The following CCSER1 variants were observed in gnomAD, a reference collection of about 807,000 sequenced individuals.
CCSER1 encodes the protein serine-rich coiled-coil domain-containing protein 1.
CCSER1 carries 41 observed loss-of-function variants against 82.0 expected under a neutral mutation model. The observed-to-expected ratio is 0.50, with a 90% CI of 0.39 to 0.65. The LOEUF (loss-of-function observed/expected upper bound fraction) is 0.65, where lower values mean the gene tolerates loss of function less well. Ranked by LOEUF, CCSER1 falls within the 30% of genes least tolerant of loss-of-function variation. The pLI is 0.00. For synonymous variants in CCSER1, 414 were observed against 383.9 expected (o/e 1.08, Z -0.92); for missense variants, 1,119 against 1,064.2 (o/e 1.05, Z -0.72).
At chr4:91,513,271 AT>A (rs1375402102) in intron 10 of CCSER1, among the ~76,000 whole-genome samples, 4 of 152,148 alleles carry the variant, frequency 2.6e-5, no homozygotes, top group Non-Finnish European at 5.9e-5. Context: ...GTGAATCACA[AT>A]TTTTTATTTG....
chr4:90,765,458 C>T (rs1377910), intron 7 of CCSER1, among the ~76,000 whole-genome samples: 140,430 of 152,138 alleles, frequency 0.92, 64,975 homozygotes, highest in African/African-American at 0.98. Flanking sequence ...GGTATTTTAC[C>T]CAAAGCTCCC....
At chr4:90,969,108 C>A (rs1283122597) in intron 9 of CCSER1, among the ~76,000 whole-genome samples, 1 of 151,036 alleles carries the variant, frequency 6.6e-6, no homozygotes, top group Non-Finnish European at 1.5e-5. Flanking sequence ...ATCATCCAGT[C>A]AGAGGATATA....
intron 8 of CCSER1, among the ~76,000 whole-genome samples, chr4:90,831,315 A>T (rs1761083293): frequency 6.6e-6 from 1 of 152,116 alleles, no homozygotes; most frequent in Non-Finnish European, 1.5e-5. Flanking sequence ...TGTATTCATT[A>T]TTTTCTATCA....
intron 10 of CCSER1, among the ~76,000 whole-genome samples, chr4:91,385,786 A>G (rs1180129072): frequency 6.6e-6 from 1 of 151,946 alleles, no homozygotes; most frequent in Non-Finnish European, 1.5e-5. Context: ...CCAAAATTCT[A>G]CGTGTATTTT....
chr4:90,230,438 A>G (rs913711403), intron 1 of CCSER1, among the ~76,000 whole-genome samples: 4 of 151,414 alleles, frequency 2.6e-5, no homozygotes, highest in Non-Finnish European at 5.9e-5. Flanking sequence ...ACAAAGACAC[A>G]ACATACCAGA....
chr4:90,637,296 T>A (rs1725602392), intron 6 of CCSER1, among the ~76,000 whole-genome samples: 1 of 152,162 alleles, frequency 6.6e-6, no homozygotes, highest in Admixed American at 6.5e-5. Flanking sequence ...GCCTTTTCGC[T>A]GGTCAACATG....
intron 9 of CCSER1, among the ~76,000 whole-genome samples, chr4:90,972,686 T>G (rs9647460): frequency 0.095 from 14,455 of 151,738 alleles, 879 homozygotes; most frequent in Admixed American, 0.17. Context: ...TATGGAATCA[T>G]AACAGGTACA....
chr4:91,168,717 G>A (rs1422411643), intron 10 of CCSER1, among the ~76,000 whole-genome samples: 1 of 152,130 alleles, frequency 6.6e-6, no homozygotes, highest in Non-Finnish European at 1.5e-5. Context: ...AGCGACCATC[G>A]AGAATGGGCC....
intron 10 of CCSER1, among the ~76,000 whole-genome samples, chr4:91,183,000 A>T (rs1293824988): frequency 6.6e-6 from 1 of 152,198 alleles, no homozygotes; most frequent in Non-Finnish European, 1.5e-5. Flanking sequence ...AAATTGTGAA[A>T]GTGTCTAGCA....
chr4:90,424,767 G>C (rs1231684496), intron 4 of CCSER1, among the ~76,000 whole-genome samples: 1 of 152,144 alleles, frequency 6.6e-6, no homozygotes, highest in Non-Finnish European at 1.5e-5. Flanking sequence ...TTCATGGCCT[G>C]CTAGCAATTT....
chr4:90,570,542 C>A (rs116040997), intron 5 of CCSER1, among the ~76,000 whole-genome samples: 1 of 152,204 alleles, frequency 6.6e-6, no homozygotes, highest in East Asian at 1.9e-4. Flanking sequence ...TGATGGTCCC[C>A]TGGGAGTTGC....
intron 10 of CCSER1, among the ~76,000 whole-genome samples, chr4:91,263,283 A>G (rs1308996221): frequency 6.6e-6 from 1 of 152,052 alleles, no homozygotes; most frequent in Non-Finnish European, 1.5e-5. Flanking sequence ...TATGAGAATA[A>G]AGTGCTTACG....
intron 4 of CCSER1, among the ~76,000 whole-genome samples, chr4:90,411,786 G>A (rs1415657004): frequency 6.6e-6 from 1 of 152,076 alleles, no homozygotes; most frequent in Non-Finnish European, 1.5e-5. Flanking sequence ...ATCAGGCAGG[G>A]GAAGGAAATA....
At chr4:90,554,237 G>T (rs538730193) in intron 5 of CCSER1, among the ~76,000 whole-genome samples, 4 of 152,148 alleles carry the variant, frequency 2.6e-5, no homozygotes, top group African/African-American at 9.7e-5. Flanking sequence ...GGTGGTATAT[G>T]CATGTTGTCC....
intron 9 of CCSER1, among the ~76,000 whole-genome samples, chr4:90,934,065 C>T (rs1455825637): frequency 6.6e-6 from 1 of 151,578 alleles, no homozygotes; most frequent in Non-Finnish European, 1.5e-5. Context: ...TTCATATGTA[C>T]CAAATAATAT....
intron 1 of CCSER1, among the ~76,000 whole-genome samples, chr4:90,246,831 G>A (rs1326789421): frequency 3.3e-5 from 5 of 151,884 alleles, no homozygotes; most frequent in African/African-American, 9.7e-5. Context: ...ATATCTTATT[G>A]TACTGTTGAT....
At chr4:91,418,750 A>AAGCTTTT (rs1753524599) in intron 10 of CCSER1, among the ~76,000 whole-genome samples, 1 of 152,042 alleles carries the variant, frequency 6.6e-6, no homozygotes, top group African/African-American at 2.4e-5. Flanking sequence ...TTTGGTATCA[A>AAGCTTTT]GTATTAAAGA....
At chr4:91,055,237 C>T (rs1743340787) in intron 9 of CCSER1, among the ~76,000 whole-genome samples, 1 of 152,070 alleles carries the variant, frequency 6.6e-6, no homozygotes, top group African/African-American at 2.4e-5. Flanking sequence ...TAAAATTATG[C>T]CATTTTAATT....
chr4:90,307,988 ACT>A (rs1168367621), intron 1 of CCSER1, among the ~76,000 whole-genome samples: 2 of 152,088 alleles, frequency 1.3e-5, no homozygotes, highest in African/African-American at 4.8e-5. Context: ...CAAAGCCAAC[ACT>A]CTTGCATAAA....
Sources: allele counts gnomAD v4.1 joint callset (sites outside exome capture counted in the v4.1 genomes callset), GRCh38; gene constraint gnomAD v4.1.1; transcripts MANE v1.5; gene names NCBI Gene and HGNC (gene_info 2026-07-23, HGNC 2026-07-21).